Variants in ANKFN1 observed in about 807,000 individuals in gnomAD.
ANKFN1 encodes the protein ankyrin repeat and fibronectin type-III domain-containing protein 1.
A neutral mutation model predicts 108.7 loss-of-function variants in ANKFN1; 74 were observed. The ratio of observed to expected loss-of-function variants is 0.68; its 90% confidence interval spans 0.56 to 0.83. ANKFN1 has a LOEUF of 0.83. Ranked by LOEUF, ANKFN1 falls within the 40% of genes least tolerant of loss-of-function variation. ANKFN1 has a pLI of 0.00. For missense variants in ANKFN1, 1,505 were observed against 1,382.3 expected (o/e 1.09, Z -1.41); for synonymous variants, 547 against 516.2 (o/e 1.06, Z -0.81).
chr17:56,277,526 A>T (rs898771129), intron 3 of ANKFN1, among the ~76,000 whole-genome samples: 1 of 152,146 alleles, frequency 6.6e-6, no homozygotes, highest in East Asian at 1.9e-4. Flanking sequence ...ACATTTTCTT[A>T]TATAATCCTC....
intron 4 of ANKFN1, among the ~76,000 whole-genome samples, chr17:56,055,596 T>TATATATATATATATATAC (rs768200056): frequency 1.5e-4 from 19 of 130,634 alleles, no homozygotes; most frequent in South Asian, 2.4e-4. Context: ...TATGTATATA[T>TATATATATATATATATAC]ACACATTTTT....
intron 3 of ANKFN1, among the ~76,000 whole-genome samples, chr17:56,251,630 C>T (rs2043238107): frequency 6.6e-6 from 1 of 152,112 alleles, no homozygotes; most frequent in South Asian, 2.1e-4. Flanking sequence ...TAGGCATCCA[C>T]CTCAGAACTG....
intron 3 of ANKFN1, among the ~76,000 whole-genome samples, chr17:56,293,808 G>T (rs1467151744): frequency 6.6e-6 from 1 of 152,164 alleles, no homozygotes; most frequent in Non-Finnish European, 1.5e-5. Flanking sequence ...GCCATTTGTT[G>T]GTCCTTGGCT....
intron 8 of ANKFN1, among the ~76,000 whole-genome samples, chr17:56,426,749 A>G (rs2048582757): frequency 6.6e-6 from 1 of 152,248 alleles, no homozygotes; most frequent in African/African-American, 2.4e-5. Context: ...CTTATAACAT[A>G]AAGGGTATTC....
At chr17:56,239,737 C>T (rs1343806228) in intron 3 of ANKFN1, among the ~76,000 whole-genome samples, 1 of 151,950 alleles carries the variant, frequency 6.6e-6, no homozygotes, top group Non-Finnish European at 1.5e-5. Flanking sequence ...TTTCTAAACT[C>T]CGAAGAAAAA....
chr17:56,339,063 A>G (rs2045892835), intron 4 of ANKFN1, among the ~76,000 whole-genome samples: 1 of 151,814 alleles, frequency 6.6e-6, no homozygotes, highest in Non-Finnish European at 1.5e-5. Context: ...TTCTTAATTT[A>G]TTTCAATGGT....
At chr17:56,384,310 G>A (rs2047195682) in intron 8 of ANKFN1, among the ~76,000 whole-genome samples, 1 of 152,040 alleles carries the variant, frequency 6.6e-6, no homozygotes, top group South Asian at 2.1e-4. Flanking sequence ...AATAAATTAG[G>A]TATTGATGGG....
intron 1 of ANKFN1, among the ~76,000 whole-genome samples, chr17:56,167,266 T>C (rs754738082): frequency 1.7e-3 from 58 of 34,062 alleles, no homozygotes; most frequent in Non-Finnish European, 1.6e-3. Flanking sequence ...TGTGTGTATA[T>C]ATATATACAT....
chr17:56,198,300 G>A (rs1913702534), intron 1 of ANKFN1, among the ~76,000 whole-genome samples: 1 of 152,124 alleles, frequency 6.6e-6, no homozygotes, highest in Admixed American at 6.5e-5. Flanking sequence ...CAAACCATTG[G>A]ACAGTTTCAG....
At chr17:56,348,529 G>A (rs1482012992) in intron 4 of ANKFN1, among the ~76,000 whole-genome samples, 4 of 152,114 alleles carry the variant, frequency 2.6e-5, no homozygotes, top group African/African-American at 9.7e-5. Context: ...CTGATATCCA[G>A]CATCTACAAG....
intron 1 of ANKFN1, among the ~76,000 whole-genome samples, chr17:56,183,847 G>T (rs553826770): frequency 6.6e-6 from 1 of 152,130 alleles, no homozygotes; most frequent in Non-Finnish European, 1.5e-5. Context: ...ACACTTCAGC[G>T]GATGAAGAAA....
chr17:56,094,686 T>TTTG (rs1905496087), intron 4 of ANKFN1, among the ~76,000 whole-genome samples: 2 of 148,468 alleles, frequency 1.3e-5, no homozygotes, highest in East Asian at 2.0e-4. Context: ...TTTTTTTTTT[T>TTTG]TTTTTTTGTA....
In ANKFN1 at chr17:56,089,757, A is replaced by G. The variant is rs533748148; in HGVS notation, c.288+43432A>G. ...GAAGGCTCTAGGGTGTAATGGAAGC[A>G]GCACTGTCTTTGAAAGAAAGCCTGG... On this transcript the variant is annotated intron_variant, in intron 4 of 12. Coordinates refer to the ANKFN1 transcript ENST00000635860. Among the ~76,000 whole-genome samples the G allele has an allele frequency of 5.3e-4, 80 of 151,558 alleles. 2 individuals carry two copies. Among genetic ancestry groups the G allele is most frequent in the African/African-American group, 1.9e-3 (77 of 41,344 alleles).
intron 4 of ANKFN1, among the ~76,000 whole-genome samples, chr17:56,102,197 C>A (rs1298718955): frequency 1.3e-5 from 2 of 152,318 alleles, no homozygotes; most frequent in South Asian, 4.1e-4. Context: ...GCATCGCCCC[C>A]TGCCCTGCAG....
intron 4 of ANKFN1, among the ~76,000 whole-genome samples, chr17:56,349,686 A>G (rs918033308): frequency 6.6e-6 from 1 of 152,170 alleles, no homozygotes; most frequent in Non-Finnish European, 1.5e-5. Flanking sequence ...GGGAATCCCA[A>G]CTACACTGAT....
At chr17:56,332,084 C>T (rs1286219830) in intron 4 of ANKFN1, among the ~76,000 whole-genome samples, 1 of 152,092 alleles carries the variant, frequency 6.6e-6, no homozygotes, top group African/African-American at 2.4e-5. Flanking sequence ...GGTGGTGTTA[C>T]TCAGTCTCTT....
intron 8 of ANKFN1, among the ~76,000 whole-genome samples, chr17:56,397,967 C>A (rs1243297348): frequency 6.6e-6 from 1 of 152,082 alleles, no homozygotes; most frequent in Non-Finnish European, 1.5e-5. Flanking sequence ...GCCTATGGGA[C>A]AACATGAAGT....
intron 15 of ANKFN1, among the ~76,000 whole-genome samples, chr17:56,474,470 T>G (rs1373346684): frequency 1.3e-5 from 2 of 152,232 alleles, no homozygotes; most frequent in Admixed American, 1.3e-4. Context: ...ATTGATTGTT[T>G]GATGGTTCTT....
chr17:56,511,333 C>T lies in ANKFN1; in HGVS notation c.*64C>T, dbSNP rs1323849516. The T allele has an allele frequency of 2.9e-6, 4 of 1,380,260 alleles. No homozygotes were observed. The highest frequency in any genetic ancestry group is 3.8e-6 in the Non-Finnish European group (4 of 1,039,506). 85.5% of individuals were successfully genotyped at this position (1,380,260 alleles called of 1,614,324 possible). On this transcript the variant is annotated 3_prime_UTR_variant, in exon 21 of 21. Coordinates refer to ENST00000682825, the MANE Select transcript of ANKFN1 (RefSeq NM_001370326.1). ...ACCTGCGTTTTACATCACCCTTACC[C>T]CCATCCTGCCCCACTGTGTACCCAC...
Sources: allele counts gnomAD v4.1 joint callset (sites outside exome capture counted in the v4.1 genomes callset), GRCh38; gene constraint gnomAD v4.1.1; transcripts MANE v1.5; gene names NCBI Gene and HGNC (gene_info 2026-07-23, HGNC 2026-07-21).